The following ITFG1 variants were observed in gnomAD, a reference collection of about 807,000 sequenced individuals.
ITFG1 encodes integrin alpha FG-GAP repeat containing 1.
Under a neutral mutation model 81.8 loss-of-function variants are expected in ITFG1, and 34 were observed. The observed-to-expected ratio is 0.42, with a 90% confidence interval of 0.32 to 0.55. The LOEUF (loss-of-function observed/expected upper bound fraction) is 0.55, where lower values mean the gene tolerates loss of function less well. Among genes scored for constraint, ITFG1 ranks in the 20% least tolerant of loss-of-function variants. The pLI is 0.17. For synonymous variants in ITFG1, 285 were observed against 270.6 expected (o/e 1.05, Z -0.52); for missense variants, 672 against 755.4 (o/e 0.89, Z 1.29).
intron 14 of ITFG1, among the ~76,000 whole-genome samples, chr16:47,170,838 T>C (rs1964949531): frequency 1.4e-5 from 2 of 143,602 alleles, no homozygotes; most frequent in Admixed American, 1.5e-4. Flanking sequence ...TGGGTTCAAG[T>C]GGTTCTCCTC....
intron 10 of ITFG1, among the ~76,000 whole-genome samples, chr16:47,261,626 A>T (rs1186000309): frequency 2.6e-5 from 4 of 152,230 alleles, no homozygotes; most frequent in Non-Finnish European, 1.5e-5. Flanking sequence ...AAAATAATAG[A>T]TGATACGGCC....
chr16:47,449,520 C>T (rs1969363051), intron 5 of ITFG1: 3 of 152,188 alleles, frequency 2.0e-5, no homozygotes, highest in African/African-American at 7.2e-5. Flanking sequence ...CTAAACAATG[C>T]AAATTTCTGT....
intron 5 of ITFG1, among the ~76,000 whole-genome samples, chr16:47,438,286 C>G (rs1337365243): frequency 6.6e-6 from 1 of 152,230 alleles, no homozygotes; most frequent in African/African-American, 2.4e-5. Context: ...CAAAAGACAG[C>G]AATAACCTCT....
chr16:47,439,897 G>C (rs1216364891), intron 5 of ITFG1, among the ~76,000 whole-genome samples: 1 of 152,154 alleles, frequency 6.6e-6, no homozygotes, highest in Non-Finnish European at 1.5e-5. Flanking sequence ...TGGCAAATTG[G>C]ATAAAGATTC....
Position 47,460,963 on chromosome 16 carries a change from G to C in ITFG1, c.83C>G (p.Pro28Arg), listed in dbSNP as rs1196469570. The change falls in exon 1 of 18, where the codon CCG becomes CGG. Residue 28 changes from proline (P) to arginine (R), a missense_variant. Coordinates refer to ENST00000320640, the MANE Select transcript of ITFG1 (RefSeq NM_030790.5). ...GTTGTGCAGCGCCCGCGCTGGGACC[G>C]GCCCGACTCCCAGTAGTGCAAGCCC... ...LAGLALLGVGPVPARALHNVT... is the reference protein window; with the variant it reads ...LAGLALLGVGRVPARALHNVT... 1 of 1,604,224 alleles carries C rather than the reference G, an allele frequency of 6.2e-7. No individual in the cohort carries two copies. Among genetic ancestry groups the C allele is most frequent in the South Asian group, 1.1e-5 (1 of 89,812 alleles).
chr16:47,265,780 G>A (rs2151544121), intron 10 of ITFG1, among the ~76,000 whole-genome samples: 1 of 152,090 alleles, frequency 6.6e-6, no homozygotes. Context: ...AATATAAAGG[G>A]TCTAAACACA....
chr16:47,351,832 C>T (rs1402446105), intron 8 of ITFG1, among the ~76,000 whole-genome samples: 1 of 152,190 alleles, frequency 6.6e-6, no homozygotes, highest in Non-Finnish European at 1.5e-5. Context: ...CTACAGTAAC[C>T]ACAACAGCCA....
At chr16:47,273,450 A>G (rs1966364491) in intron 10 of ITFG1, among the ~76,000 whole-genome samples, 1 of 152,180 alleles carries the variant, frequency 6.6e-6, no homozygotes, top group Non-Finnish European at 1.5e-5. Flanking sequence ...TAGAAATACT[A>G]AATATTATTG....
intron 8 of ITFG1, among the ~76,000 whole-genome samples, chr16:47,345,876 G>A (rs895792576): frequency 1.3e-5 from 2 of 152,046 alleles, no homozygotes; most frequent in African/African-American, 4.8e-5. Flanking sequence ...ACCCAACATC[G>A]GAGCACCTAA....
At chr16:47,192,818 C>T (rs1039677801) in intron 14 of ITFG1, among the ~76,000 whole-genome samples, 2 of 152,168 alleles carry the variant, frequency 1.3e-5, no homozygotes, top group Non-Finnish European at 2.9e-5. Context: ...AACACAAGGG[C>T]ATTTTCCCCT....
At chr16:47,419,557 C>T (rs1968916660) in intron 6 of ITFG1, among the ~76,000 whole-genome samples, 1 of 151,702 alleles carries the variant, frequency 6.6e-6, no homozygotes, top group African/African-American at 2.4e-5. Flanking sequence ...TAGGCGTGAG[C>T]CACTGCACCT....
chr16:47,219,403 G>A (rs1270354212), intron 13 of ITFG1, among the ~76,000 whole-genome samples: 3 of 152,110 alleles, frequency 2.0e-5, no homozygotes, highest in African/African-American at 7.2e-5. Flanking sequence ...TGCACATTTA[G>A]AGAATACATT....
At chr16:47,292,546 C>T (rs1966921333) in intron 10 of ITFG1, among the ~76,000 whole-genome samples, 1 of 152,124 alleles carries the variant, frequency 6.6e-6, no homozygotes, top group Admixed American at 6.6e-5. Flanking sequence ...CTCAAGGCTA[C>T]AAGTGCAGTT....
intron 8 of ITFG1, among the ~76,000 whole-genome samples, chr16:47,316,226 T>C (rs1202517409): frequency 6.6e-6 from 1 of 152,226 alleles, no homozygotes; most frequent in Non-Finnish European, 1.5e-5. Flanking sequence ...TTTTTTGTAC[T>C]TTTTTAAAAG....
chr16:47,460,921 A>C lies in ITFG1; in HGVS notation c.125T>G (p.Phe42Cys). ...RALHNVTAEL[F>C]GAEAWGTLAA... ...AAGGGTGCCCCAGGCCTCGGCCCCA[A>C]AGAGCTCGGCCGTGACGTTGTGCAG... is the stretch of plus-strand genomic sequence containing the variant. Residue 42 changes from phenylalanine (F) to cysteine (C), a missense_variant, in exon 1 of 18, where the codon TTT becomes TGT. By Grantham distance (205) the Phe-to-Cys change is radical. Around this residue, in one of 3 missense-constraint regions of ITFG1, gnomAD observed 560 missense variants for 625.7 expected, o/e 0.90. Transcript: ENST00000320640. 1 of 1,613,034 alleles carries C rather than the reference A, an allele frequency of 6.2e-7. No individual in the cohort carries two copies. The highest frequency in any genetic ancestry group is 8.5e-7 in the Non-Finnish European group (1 of 1,179,868).
intron 13 of ITFG1, among the ~76,000 whole-genome samples, chr16:47,220,458 A>C (rs2151527628): frequency 6.6e-6 from 1 of 152,340 alleles, no homozygotes; most frequent in Admixed American, 6.5e-5. Context: ...TGAGTCAGCC[A>C]CTTTCAGAAA....
chr16:47,438,017 C>T (rs750148717), intron 5 of ITFG1, among the ~76,000 whole-genome samples: 8 of 152,184 alleles, frequency 5.3e-5, no homozygotes, highest in Admixed American at 1.3e-4. Context: ...CTTAACAAAC[C>T]GCACACCAGG....
chr16:47,219,782 T>C (rs1212676047), intron 13 of ITFG1, among the ~76,000 whole-genome samples: 2 of 152,188 alleles, frequency 1.3e-5, no homozygotes, highest in Non-Finnish European at 2.9e-5. Flanking sequence ...TTCATCAACA[T>C]CACAATTGCC....
At chr16:47,447,182 T>C (rs1398231541) in intron 5 of ITFG1, among the ~76,000 whole-genome samples, 3 of 152,152 alleles carry the variant, frequency 2.0e-5, no homozygotes, top group African/African-American at 7.2e-5. Flanking sequence ...CTAGTTTTAA[T>C]ACATACACAG....
Sources: gnomAD v4.1 joint callset for allele counts (sites outside exome capture counted in the v4.1 genomes callset) on GRCh38, gnomAD v4.1.1 for gene constraint, gnomAD v4.1.1 regional missense constraint, MANE v1.5 for transcripts, NCBI Gene and HGNC (gene_info 2026-07-23, HGNC 2026-07-21) for gene names.